CDH7: variants seen among roughly 807,000 people sequenced by gnomAD.
CDH7 encodes the protein cadherin 7.
CDH7 carries 25 observed loss-of-function variants against 71.8 expected under a neutral mutation model. The ratio of observed to expected loss-of-function variants is 0.35; its 90% confidence interval spans 0.25 to 0.49. CDH7 has a LOEUF of 0.49. Ranked by LOEUF, CDH7 falls within the 20% of genes least tolerant of loss-of-function variation. The probability of loss-of-function intolerance (pLI) is 0.99; values close to 1 mark genes in which losing one functional copy is unlikely to be tolerated. For synonymous variants in CDH7, 381 were observed against 363.8 expected (o/e 1.05, Z -0.54); for missense variants, 862 against 974.6 (o/e 0.88, Z 1.54).
chr18:65,871,143 G>T (rs1913914427), intron 11 of CDH7, among the ~76,000 whole-genome samples: 1 of 152,110 alleles, frequency 6.6e-6, no homozygotes, highest in South Asian at 2.1e-4. Context: ...ATCTGTGTAT[G>T]AATCACATGA....
At position 65,882,717 on chromosome 18, in the gene CDH7, A is replaced by G. The variant is rs1223960334; in HGVS notation, c.*1823A>G. Reference sequence around the variant, plus strand: ...TGCTTCTTGCTGTATTAATATGCATATATATTTTAAAAAATTATAACAGTG... The same window carrying G: ...TGCTTCTTGCTGTATTAATATGCATGTATATTTTAAAAAATTATAACAGTG... On this transcript the variant is annotated 3_prime_UTR_variant, in exon 12 of 12. Transcript: ENST00000397968. 1 of 152,132 alleles carries G rather than the reference A, an allele frequency of 6.6e-6. No individual in the cohort carries two copies. Among genetic ancestry groups the G allele is most frequent in the Non-Finnish European group, 1.5e-5 (1 of 67,978 alleles). 9.4% of individuals were successfully genotyped at this position (152,132 alleles called of 1,614,324 possible).
chr18:65,829,781 T>TGTGG (rs1216550774), intron 6 of CDH7, among the ~76,000 whole-genome samples: 26 of 140,804 alleles, frequency 1.8e-4, no homozygotes, highest in Non-Finnish European at 3.7e-4. Context: ...AGGGAGTGTG[T>TGTGG]GTGTGTGTGT....
intron 1 of CDH7, among the ~76,000 whole-genome samples, chr18:65,755,978 AAAAAAC>A (rs572780759): frequency 8.6e-4 from 130 of 151,444 alleles, no homozygotes; most frequent in African/African-American, 3.0e-3. Context: ...AAAACAAACA[AAAAAAC>A]AAAAACAAAA....
intron 11 of CDH7, chr18:65,865,165 T>C (rs532194382): frequency 6.6e-6 from 1 of 152,306 alleles, no homozygotes; most frequent in African/African-American, 2.4e-5. Flanking sequence ...CAACTTTGAC[T>C]TTGGGATTTT....
intron 4 of CDH7, among the ~76,000 whole-genome samples, chr18:65,816,628 T>C (rs776133789): frequency 6.6e-6 from 1 of 152,174 alleles, no homozygotes; most frequent in Admixed American, 6.5e-5. Flanking sequence ...GAAAATAACA[T>C]GACTAAAATC....
chr18:65,769,033 C>T (rs532869520), intron 2 of CDH7, among the ~76,000 whole-genome samples: 1 of 151,960 alleles, frequency 6.6e-6, no homozygotes, highest in South Asian at 2.1e-4. Context: ...ATAAAATTCA[C>T]AGTCTGGTTG....
rs938714366 is a variant in CDH7, at chr18:65,888,330, AT to A, written c.*7441del. 6 of 152,284 alleles carry A rather than the reference AT, an allele frequency of 3.9e-5. No individual in the cohort carries two copies. Among genetic ancestry groups the A allele is most frequent in the African/African-American group, 1.2e-4 (5 of 41,572 alleles). The allele number at this position is 152,284 out of a possible 1,614,324, so 9.4% of individuals were successfully genotyped here. On this transcript the variant is annotated 3_prime_UTR_variant, in exon 12 of 12. Transcript: ENST00000397968. ...TGTGTTTTATTGTGTGTTTTGCTGT[AT>A]TTTTAAAAAATAAGAAAAAATTATC...
At chr18:65,858,848 A>G in intron 8 of CDH7, 77 bp from the exon 9 acceptor site, 3 of 1,415,470 alleles carry the variant, frequency 2.1e-6, no homozygotes, top group Non-Finnish European at 2.9e-6. Context: ...TTTCATTCTC[A>G]GCTTCGTCAT....
rs141654932 is a variant in CDH7, at chr18:65,800,272, G to C, written c.211-9432G>C. On this transcript the variant is annotated intron_variant, in intron 2 of 11. Coordinates refer to ENST00000397968, the MANE Select transcript of CDH7 (RefSeq NM_004361.5). ...TTTTTTGTATTTTTAATAGAGACAG[G>C]GTTTCACCATGTTAGCCAGGATGGT... Among the ~76,000 whole-genome samples the C allele has an allele frequency of 6.0e-3, 917 of 152,052 alleles. 14 individuals are homozygous for C. Among genetic ancestry groups the C allele is most frequent in the African/African-American group, 0.02 (843 of 41,466 alleles).
intron 4 of CDH7, among the ~76,000 whole-genome samples, chr18:65,815,116 G>A (rs1007459875): frequency 1.3e-5 from 2 of 151,936 alleles, no homozygotes; most frequent in South Asian, 4.1e-4. Flanking sequence ...TTTAATTTGG[G>A]GGAACAATTT....
chr18:65,825,896 G>C (rs1253549163), intron 6 of CDH7, among the ~76,000 whole-genome samples: 1 of 151,658 alleles, frequency 6.6e-6, no homozygotes, highest in African/African-American at 2.4e-5. Flanking sequence ...AAATTAAAAG[G>C]AATTCAGTAA....
At chr18:65,814,406 A>C (rs956711139) in intron 3 of CDH7, 79 bp from the exon 4 acceptor site, 1 of 1,463,186 alleles carries the variant, frequency 6.8e-7, no homozygotes, top group African/African-American at 1.4e-5. Flanking sequence ...CTTAATGTGG[A>C]ATCAGTAACA....
chr18:65,830,824 T>C (rs766959790), intron 6 of CDH7, among the ~76,000 whole-genome samples: 1 of 151,668 alleles, frequency 6.6e-6, no homozygotes, highest in Non-Finnish European at 1.5e-5. Flanking sequence ...TGCCTCTTCC[T>C]GTCATGATAG....
At chr18:65,833,456 C>G (rs1377410435) in intron 6 of CDH7, among the ~76,000 whole-genome samples, 1 of 152,092 alleles carries the variant, frequency 6.6e-6, no homozygotes, top group African/African-American at 2.4e-5. Context: ...TCCTGCTGCT[C>G]AGGATGCATA....
intron 6 of CDH7, among the ~76,000 whole-genome samples, chr18:65,829,419 T>A (rs1179511869): frequency 6.6e-6 from 1 of 151,458 alleles, no homozygotes; most frequent in East Asian, 1.9e-4. Context: ...GATACATGTG[T>A]ATTAAGATGA....
chr18:65,800,673 A>G (rs1235402770), intron 2 of CDH7, among the ~76,000 whole-genome samples: 2 of 152,202 alleles, frequency 1.3e-5, no homozygotes, highest in East Asian at 3.9e-4. Flanking sequence ...TGAATAAACT[A>G]TTCTATACTC....
intron 2 of CDH7, among the ~76,000 whole-genome samples, chr18:65,790,830 C>G (rs1910687548): frequency 6.6e-6 from 1 of 152,198 alleles, no homozygotes; most frequent in African/African-American, 2.4e-5. Flanking sequence ...GATTGCATCA[C>G]TGCACTCCAG....
intron 2 of CDH7, among the ~76,000 whole-genome samples, chr18:65,808,990 G>T (rs139490913): frequency 1.3e-5 from 2 of 152,314 alleles, no homozygotes; most frequent in African/African-American, 4.8e-5. Flanking sequence ...AAATCGGGAG[G>T]TGCTGCCCTG....
At chr18:65,847,525 G>A (rs895666711) in intron 7 of CDH7, among the ~76,000 whole-genome samples, 2 of 152,108 alleles carry the variant, frequency 1.3e-5, no homozygotes, top group Non-Finnish European at 2.9e-5. Flanking sequence ...CCAGCAAGGC[G>A]AAATTGATAT....
Sources: gnomAD v4.1 joint callset for allele counts (sites outside exome capture counted in the v4.1 genomes callset) on GRCh38, gnomAD v4.1.1 for gene constraint, MANE v1.5 for transcripts, NCBI Gene and HGNC (gene_info 2026-07-23, HGNC 2026-07-21) for gene names.